PDE11A: variants seen among roughly 807,000 people sequenced by gnomAD.
PDE11A encodes phosphodiesterase 11A, also known as dual 3',5'-cyclic-AMP and -GMP phosphodiesterase 11A.
A neutral mutation model predicts 100.5 loss-of-function variants in PDE11A; 100 were observed. That is an observed-to-expected ratio of 1.00 (90% CI 0.85 to 1.18). The LOEUF is 1.18. Among genes scored for constraint, PDE11A ranks in the 50% most tolerant of loss-of-function variants. The pLI, the probability that PDE11A is intolerant of heterozygous loss-of-function variation, is 0.00. For synonymous variants in PDE11A, 381 were observed against 420.8 expected (o/e 0.91, Z 1.16); for missense variants, 1,141 against 1,152.6 (o/e 0.99, Z 0.15).
At chr2:177,858,955 A>G (rs1199126000) in intron 5 of PDE11A, among the ~76,000 whole-genome samples, 2 of 152,152 alleles carry the variant, frequency 1.3e-5, no homozygotes, top group Non-Finnish European at 2.9e-5. Context: ...AGGGACATGG[A>G]TGAAGCTGGA....
At chr2:177,827,522 C>T (rs944377040) in intron 6 of PDE11A, among the ~76,000 whole-genome samples, 1 of 152,176 alleles carries the variant, frequency 6.6e-6, no homozygotes, top group African/African-American at 2.4e-5. Context: ...GCAAATACTG[C>T]ATGTGATGGC....
At chr2:178,075,669 C>T (rs2087199226), upstream of PDE11A, among the ~76,000 whole-genome samples, 1 of 151,508 alleles carries the variant, frequency 6.6e-6, no homozygotes, top group South Asian at 2.1e-4. Context: ...CTTCTATCAG[C>T]AACCAGATAC....
At chr2:177,780,600 A>C (rs2082440834) in intron 9 of PDE11A, among the ~76,000 whole-genome samples, 1 of 152,204 alleles carries the variant, frequency 6.6e-6, no homozygotes, top group African/African-American at 2.4e-5. Flanking sequence ...TCTGTTGTCT[A>C]CTGTAACAAC....
At chr2:178,041,724 T>C (rs1489482102) in intron 1 of PDE11A, among the ~76,000 whole-genome samples, 1 of 152,236 alleles carries the variant, frequency 6.6e-6, no homozygotes, top group Admixed American at 6.5e-5. Context: ...ATACTTTGGA[T>C]GACAGATGTC....
chr2:177,681,162 A>G (rs909843760), intron 15 of PDE11A, among the ~76,000 whole-genome samples: 2 of 152,204 alleles, frequency 1.3e-5, no homozygotes, highest in East Asian at 3.8e-4. Flanking sequence ...ACAGAAAACA[A>G]TGTGGTGCGG....
intron 1 of PDE11A, 65 bp downstream of exon 1, chr2:178,071,461 A>G: frequency 6.2e-7 from 1 of 1,606,298 alleles, no homozygotes; most frequent in Non-Finnish European, 8.5e-7. Context: ...ATGCCAGATG[A>G]TAACCGAAGG....
intron 12 of PDE11A, among the ~76,000 whole-genome samples, chr2:177,718,888 C>T (rs1476711409): frequency 6.6e-6 from 1 of 152,132 alleles, no homozygotes; most frequent in Non-Finnish European, 1.5e-5. Context: ...AAAAAGTGTC[C>T]ATTCATTCAT....
intron 6 of PDE11A, among the ~76,000 whole-genome samples, chr2:177,830,691 G>T (rs2083295486): frequency 6.6e-6 from 1 of 150,646 alleles, no homozygotes; most frequent in African/African-American, 2.4e-5. Context: ...GATCTGTTTT[G>T]CTGCAATAGA....
At chr2:177,706,612 G>A (rs1055511639) in intron 13 of PDE11A, among the ~76,000 whole-genome samples, 2 of 152,192 alleles carry the variant, frequency 1.3e-5, no homozygotes, top group Admixed American at 6.5e-5. Context: ...AAATCTTAAC[G>A]GAGGTTGGGT....
chr2:177,869,495 G>A (rs1004096848), intron 5 of PDE11A, among the ~76,000 whole-genome samples: 14 of 152,136 alleles, frequency 9.2e-5, no homozygotes, highest in Admixed American at 6.6e-4. Context: ...CTTCTGTTGA[G>A]CCTTTTCAGC....
chr2:177,633,137 G>T (rs1050734507), intron 19 of PDE11A, among the ~76,000 whole-genome samples: 1 of 152,236 alleles, frequency 6.6e-6, no homozygotes. Flanking sequence ...TGTGGACAGG[G>T]TTATATCCCT....
chr2:178,052,640 A>G (rs1231118380), intron 1 of PDE11A, among the ~76,000 whole-genome samples: 1 of 151,654 alleles, frequency 6.6e-6, no homozygotes, highest in Admixed American at 6.6e-5. Flanking sequence ...GAAGAAAAGA[A>G]AGAAGAATCA....
At chr2:177,675,068 A>G (rs1559137671) in intron 17 of PDE11A, among the ~76,000 whole-genome samples, 1 of 152,088 alleles carries the variant, frequency 6.6e-6, no homozygotes, top group Non-Finnish European at 1.5e-5. Flanking sequence ...AAAGAAAAAT[A>G]TAATTTCCTT....
chr2:178,072,882 C>T, upstream of PDE11A: 1 of 1,136,272 alleles, frequency 8.8e-7, no homozygotes, highest in Non-Finnish European at 1.1e-6. Flanking sequence ...GGACGCCAGA[C>T]CAGCCAAAGT....
intron 19 of PDE11A, among the ~76,000 whole-genome samples, chr2:177,630,935 G>A (rs954606020): frequency 6.6e-6 from 1 of 152,222 alleles, no homozygotes; most frequent in African/African-American, 2.4e-5. Flanking sequence ...TTTAAACCAT[G>A]AGGTTTTGGG....
chr2:177,842,470 CT>C (rs1242116037), intron 5 of PDE11A, among the ~76,000 whole-genome samples: 1 of 152,162 alleles, frequency 6.6e-6, no homozygotes, highest in African/African-American at 2.4e-5. Flanking sequence ...GGGAATAAAA[CT>C]GAAAAAGAGG....
At chr2:177,977,117 G>T (rs2085819653) in intron 2 of PDE11A, among the ~76,000 whole-genome samples, 1 of 32,856 alleles carries the variant, frequency 3.0e-5, no homozygotes, top group Non-Finnish European at 6.0e-5. Flanking sequence ...AGGAAATAAA[G>T]GGTATTCAAT....
chr2:177,846,337 C>A (rs180870506), intron 5 of PDE11A, among the ~76,000 whole-genome samples: 1 of 152,120 alleles, frequency 6.6e-6, no homozygotes, highest in East Asian at 1.9e-4. Context: ...ATTATTTAGC[C>A]CATAGCAAAC....
At chr2:177,922,820 C>T (rs2085072632) in intron 2 of PDE11A, 1 of 984,708 alleles carries the variant, frequency 1.0e-6, no homozygotes, top group Non-Finnish European at 1.2e-6. Context: ...CAGCACTCTT[C>T]TCCCTCTACA....
Sources: gnomAD v4.1 joint callset for allele counts (sites outside exome capture counted in the v4.1 genomes callset) on GRCh38, gnomAD v4.1.1 for gene constraint, MANE v1.5 for transcripts, NCBI Gene and HGNC (gene_info 2026-07-23, HGNC 2026-07-21) for gene names.